Variants in PLXDC2 observed in about 807,000 individuals in gnomAD.
The protein encoded by PLXDC2 is plexin domain containing 2, also known as plexin domain-containing protein 2.
Under a neutral mutation model 68.9 loss-of-function variants are expected in PLXDC2, and 40 were observed. The observed-to-expected ratio is 0.58, with a 90% CI of 0.45 to 0.76. The LOEUF (loss-of-function observed/expected upper bound fraction) is 0.76. Among genes scored for constraint, PLXDC2 ranks in the 30% least tolerant of loss-of-function variants. The pLI is 0.00. For missense variants in PLXDC2, 644 were observed against 661.9 expected, an observed-to-expected ratio of 0.97 and a Z score of 0.30; for synonymous variants, 243 against 234.2, an observed-to-expected ratio of 1.04 and a Z score of -0.34.
chr10:19,894,991 G>A (rs970550965), intron 1 of PLXDC2, among the ~76,000 whole-genome samples: 9 of 152,066 alleles, frequency 5.9e-5, no homozygotes, highest in Middle Eastern at 3.2e-3. Context: ...TGTTTATTGC[G>A]GCACTGTTCA....
chr10:19,836,755 A>G (rs1440414672), intron 1 of PLXDC2, among the ~76,000 whole-genome samples: 2 of 152,230 alleles, frequency 1.3e-5, no homozygotes, highest in Non-Finnish European at 2.9e-5. Context: ...TACACCCTGA[A>G]AGAAAGGCAA....
At chr10:20,197,725 C>A (rs1477606460) in intron 9 of PLXDC2, among the ~76,000 whole-genome samples, 6 of 149,866 alleles carry the variant, frequency 4.0e-5, no homozygotes, top group Admixed American at 1.3e-4. Flanking sequence ...GTGGTGTGAT[C>A]TCGGCTCACT....
At position 20,281,939 on chromosome 10, in the gene PLXDC2, A is replaced by G. The variant is rs1440426985; in HGVS notation, c.*2120A>G. 6.6e-6 allele frequency: 1 copy of G among 152,134 alleles called. No individual in the cohort carries two copies. Among genetic ancestry groups the G allele is most frequent in the African/African-American group, 2.4e-5 (1 of 41,442 alleles). 9.4% of individuals were successfully genotyped at this position (152,134 alleles called of 1,614,324 possible). Reference sequence around the variant, plus strand: ...TGTTTGACAGTTATATAAATCTTGCATGTGTATTCTTAGTTTGTGTCCCTT... The same window carrying G: ...TGTTTGACAGTTATATAAATCTTGCGTGTGTATTCTTAGTTTGTGTCCCTT... On this transcript the variant is annotated 3_prime_UTR_variant, in exon 14 of 14. Coordinates refer to ENST00000377252, the MANE Select transcript of PLXDC2 (RefSeq NM_032812.9).
chr10:20,027,319 A>G (rs1324543364), intron 2 of PLXDC2, among the ~76,000 whole-genome samples: 1 of 152,066 alleles, frequency 6.6e-6, no homozygotes, highest in African/African-American at 2.4e-5. Context: ...GCCCTCATAA[A>G]TAGATTAATG....
At chr10:20,035,062 T>C (rs1407469377) in intron 2 of PLXDC2, among the ~76,000 whole-genome samples, 2 of 152,242 alleles carry the variant, frequency 1.3e-5, no homozygotes, top group Admixed American at 1.3e-4. Context: ...TATATTCACA[T>C]GTTTATCTCA....
chr10:20,154,298 C>T (rs972779288), intron 6 of PLXDC2, among the ~76,000 whole-genome samples: 2 of 152,168 alleles, frequency 1.3e-5, no homozygotes, highest in South Asian at 4.1e-4. Flanking sequence ...GGTACGGTGG[C>T]TCACGCCTGT....
chr10:20,022,732 C>G (rs1835333060), intron 2 of PLXDC2, among the ~76,000 whole-genome samples: 1 of 152,036 alleles, frequency 6.6e-6, no homozygotes, highest in Non-Finnish European at 1.5e-5. Flanking sequence ...TCCTGAAGGC[C>G]CTGTACCAAG....
Position 20,130,145 on chromosome 10 carries a change from A to G in PLXDC2, c.542-13150A>G, listed in dbSNP as rs116828301. Among the ~76,000 whole-genome samples the G allele has an allele frequency of 5.1e-3, 780 of 152,140 alleles. 14 individuals are homozygous for G. The highest frequency in any genetic ancestry group is 0.018 in the African/African-American group (749 of 41,542). On this transcript the variant is annotated intron_variant, in intron 4 of 13. Transcript: ENST00000377252. ...TTTTAATTTTCAATTCTTCTCATCT[A>G]TGATCACAGGATATCATTCCTTTTA...
At chr10:20,020,961 T>C (rs1835298109) in intron 2 of PLXDC2, among the ~76,000 whole-genome samples, 1 of 152,240 alleles carries the variant, frequency 6.6e-6, no homozygotes. Flanking sequence ...CTGGAGCTTT[T>C]TGGAAAATTC....
At chr10:20,125,423 T>C (rs552101019) in intron 4 of PLXDC2, among the ~76,000 whole-genome samples, 1 of 152,292 alleles carries the variant, frequency 6.6e-6, no homozygotes, top group South Asian at 2.1e-4. Context: ...ATCCAACCTG[T>C]TTGTAGTCTT....
At position 20,286,393 on chromosome 10, in the gene PLXDC2, T is replaced by C. The variant is rs1836152782; in HGVS notation, c.*6574T>C. ...ACATAAAAGCTTTTGATTTGGCAGA[T>C]AGTGATATTTTATTTATTTTCATTC... On this transcript the variant is annotated 3_prime_UTR_variant, in exon 14 of 14. Transcript: ENST00000377252. The C allele has an allele frequency of 2.0e-5, 3 of 152,340 alleles. No homozygotes were observed. The South Asian group carries it at 6.2e-4, about 32-fold the overall frequency. The allele number at this position is 152,340 out of a possible 1,614,324, so 9.4% of individuals were successfully genotyped here. A position where few individuals can be genotyped will look rare whatever the true frequency, so the allele number is the denominator to read the frequency against.
intron 12 of PLXDC2, among the ~76,000 whole-genome samples, chr10:20,233,577 G>A (rs1301447941): frequency 6.6e-6 from 1 of 152,052 alleles, no homozygotes. Context: ...AGAAGCTCAG[G>A]GATTTAAGTA....
intron 3 of PLXDC2, among the ~76,000 whole-genome samples, chr10:20,053,574 G>A (rs1201458181): frequency 3.9e-5 from 6 of 152,142 alleles, no homozygotes; most frequent in Middle Eastern, 3.4e-3. Context: ...CAAATTCCAC[G>A]TTTTTGTGAT....
intron 1 of PLXDC2, among the ~76,000 whole-genome samples, chr10:19,864,874 G>A (rs141997494): frequency 9.5e-4 from 145 of 152,290 alleles, no homozygotes; most frequent in African/African-American, 3.3e-3. Flanking sequence ...TTTAAAGGGT[G>A]AGTCAAACGG....
chr10:20,014,204 C>CCTTCCTTCCTTCCTTCCTTG (rs1344500990), intron 2 of PLXDC2, among the ~76,000 whole-genome samples: 1 of 128,232 alleles, frequency 7.8e-6, no homozygotes. Flanking sequence ...TTGTTTCCTT[C>CCTTCCTTCCTTCCTTCCTTG]CTTCCTTCCT....
rs566475307 is a variant in PLXDC2, at chr10:20,056,405, C to A, written c.471+9390C>A. 7.2e-5 allele frequency among the ~76,000 whole-genome samples: 11 copies of A among 152,278 alleles called. No individual in the cohort carries two copies. The South Asian group carries it at 2.3e-3, about 32-fold the overall frequency. ...CCTGGAAGCCAATAAGTACATGGAA[C>A]CATCTACCCCTGTCCTGCCGATGGC... On this transcript the variant is annotated intron_variant, in intron 3 of 13. Coordinates refer to ENST00000377252, the MANE Select transcript of PLXDC2 (RefSeq NM_032812.9).
chr10:19,817,930 T>C (rs1836386607), intron 1 of PLXDC2, among the ~76,000 whole-genome samples: 1 of 152,178 alleles, frequency 6.6e-6, no homozygotes, highest in Non-Finnish European at 1.5e-5. Context: ...TCTTAGTGGC[T>C]GTCCTGGCAG....
At chr10:20,169,783 C>G (rs1207404149) in intron 7 of PLXDC2, among the ~76,000 whole-genome samples, 1 of 152,122 alleles carries the variant, frequency 6.6e-6, no homozygotes, top group Non-Finnish European at 1.5e-5. Context: ...GTTAACACTC[C>G]CATGCAGGGC....
At chr10:20,068,995 A>C (rs896030214) in intron 4 of PLXDC2, among the ~76,000 whole-genome samples, 1 of 152,154 alleles carries the variant, frequency 6.6e-6, no homozygotes, top group African/African-American at 2.4e-5. Flanking sequence ...AGAAAAACAC[A>C]TAAAAATGGA....
Sources: gnomAD v4.1 joint callset for allele counts (sites outside exome capture counted in the v4.1 genomes callset) on GRCh38, gnomAD v4.1.1 for gene constraint, MANE v1.5 for transcripts, NCBI Gene and HGNC (gene_info 2026-07-23, HGNC 2026-07-21) for gene names.